Variants in TEX9 observed in about 807,000 individuals in gnomAD.
The protein encoded by TEX9 is testis expressed 9.
A neutral mutation model predicts 59.6 loss-of-function variants in TEX9; 74 were observed. That is an observed-to-expected ratio of 1.24 (90% CI 1.03 to 1.51). The LOEUF (loss-of-function observed/expected upper bound fraction) is 1.51. Ranked by LOEUF, TEX9 falls within the 40% of genes most tolerant of loss-of-function variation. The probability of loss-of-function intolerance (pLI) is 0.00; values close to 1 mark genes in which losing one functional copy is unlikely to be tolerated. For missense variants in TEX9, 522 were observed against 447.8 expected (o/e 1.17, Z -1.49); for synonymous variants, 186 against 152.2 (o/e 1.22, Z -1.64).
chr15:56,293,596 G>A (rs1211346604), intron 1 of TEX9, among the ~76,000 whole-genome samples: 2 of 152,166 alleles, frequency 1.3e-5, no homozygotes, highest in Non-Finnish European at 2.9e-5. Context: ...GCCTACAAAT[G>A]TAATTTATGA....
chr15:56,383,971 G>T lies in TEX9; in HGVS notation c.203G>T (p.Arg68Leu), dbSNP rs149653752. The change falls in exon 4 of 13, where the codon CGA becomes CTA. Residue 68 changes from arginine (R) to leucine (L), a missense_variant. Coordinates refer to ENST00000352903, the Ensembl canonical transcript of TEX9. Reference sequence around the variant, plus strand: ...TTTAAGAGAGATCGGCAAGAAGTACGATCTAGGCCTGTTTCAACACAAATG... The same window carrying T: ...TTTAAGAGAGATCGGCAAGAAGTACTATCTAGGCCTGTTTCAACACAAATG... The T allele has an allele frequency of 8.7e-6, 14 of 1,611,436 alleles. No homozygotes were observed. In the African/African-American group the frequency reaches 1.9e-4, roughly 22 times the overall value.
At chr15:56,441,059 C>T (rs531105288) in intron 12 of TEX9, among the ~76,000 whole-genome samples, 10 of 152,166 alleles carry the variant, frequency 6.6e-5, no homozygotes, top group South Asian at 4.2e-4. Flanking sequence ...ATTAACTGCA[C>T]GTCACATATT....
chr15:56,252,646 T>C (rs2044051825), intron 1 of TEX9, among the ~76,000 whole-genome samples: 3 of 151,978 alleles, frequency 2.0e-5, no homozygotes, highest in Admixed American at 1.3e-4. Flanking sequence ...AGGAAAAGAG[T>C]CTGCTGCGTG....
rs564111019 is a variant in TEX9 at position 56,331,536 on chromosome 15, A to G, written c.-106-41905A>G. Among the ~76,000 whole-genome samples the G allele has an allele frequency of 2.0e-5, 3 of 152,316 alleles. No individual in the cohort carries two copies. The South Asian group carries it at 6.2e-4, about 32-fold the overall frequency. On this transcript the variant is annotated intron_variant, in intron 1 of 5. Coordinates refer to the TEX9 transcript ENST00000560827. ...TATACAAACATATGGAAATTAAACAATATGCTCCTGAATGACAAGTAGGTC... is the reference window on the plus strand; with the variant it reads ...TATACAAACATATGGAAATTAAACAGTATGCTCCTGAATGACAAGTAGGTC...
At chr15:56,405,472 G>C (rs113326877) in intron 9 of TEX9, among the ~76,000 whole-genome samples, 1 of 152,062 alleles carries the variant, frequency 6.6e-6, no homozygotes, top group South Asian at 2.1e-4. Flanking sequence ...TTAAATGAAC[G>C]TAAGTACCAT....
downstream of TEX9, among the ~76,000 whole-genome samples, chr15:56,449,442 G>C (rs934163302): frequency 6.6e-6 from 1 of 152,092 alleles, no homozygotes; most frequent in African/African-American, 2.4e-5. Flanking sequence ...TGCATTCCTG[G>C]AATAAATTAA....
At chr15:56,383,971 G>C in exon 4 of TEX9, 1 of 1,611,554 alleles carries the variant, frequency 6.2e-7, no homozygotes, top group Non-Finnish European at 8.5e-7. Flanking sequence ...CAAGAAGTAC[G>C]ATCTAGGCCT....
intron 3 of TEX9, 77 bp downstream of exon 3, chr15:56,373,581 A>G (rs2047289894): frequency 1.2e-5 from 15 of 1,228,260 alleles, no homozygotes; most frequent in Non-Finnish European, 1.6e-5. Flanking sequence ...TATGACATAT[A>G]TACAAAACAC....
At chr15:56,430,270 G>A (rs1353122550) in intron 12 of TEX9, 116 bp downstream of exon 12, 5 of 152,366 alleles carry the variant, frequency 3.3e-5, no homozygotes, top group African/African-American at 1.2e-4. Flanking sequence ...GCAGTGGCAA[G>A]ATCATGGGTC....
Position 56,434,060 on chromosome 15 carries a change from G to C in TEX9, c.*29+5587G>C. ...ATTGTCTGGCATATAAAGCTTCTCA[G>C]TAAATGTTTAGTGGATGATAGATGA... On this transcript the variant is annotated intron_variant, in intron 12 of 12. Coordinates refer to ENST00000352903, the Ensembl canonical transcript of TEX9. 5 of 1,442,794 alleles carry C rather than the reference G, an allele frequency of 3.5e-6. No individual in the cohort carries two copies. The East Asian group carries it at 6.8e-5, about 20-fold the overall frequency. The allele number at this position is 1,442,794 out of a possible 1,614,324, so 89.4% of individuals were successfully genotyped here.
At position 56,298,733 on chromosome 15, in the gene TEX9, C is replaced by G. The variant is rs116434651; in HGVS notation, c.-107+54455C>G. Among the ~76,000 whole-genome samples, 1,187 of 152,260 alleles carry G rather than the reference C, an allele frequency of 7.8e-3. 14 individuals carry two copies. Among genetic ancestry groups the G allele is most frequent in the African/African-American group, 0.028 (1,152 of 41,546 alleles). On this transcript the variant is annotated intron_variant, in intron 1 of 5. Transcript: ENST00000560827. Reference sequence around the variant, plus strand: ...ACTCTGGTTTACCACTCTAATGAAACTGCTTTTCAAAGGCCATTGTTGTCC... The same window carrying G: ...ACTCTGGTTTACCACTCTAATGAAAGTGCTTTTCAAAGGCCATTGTTGTCC...
intron 1 of TEX9, among the ~76,000 whole-genome samples, chr15:56,321,111 A>T (rs1025035405): frequency 6.6e-6 from 1 of 152,178 alleles, no homozygotes; most frequent in Non-Finnish European, 1.5e-5. Flanking sequence ...GGGAAACTCA[A>T]TGCCACTGTG....
downstream of TEX9, among the ~76,000 whole-genome samples, chr15:56,448,099 G>C (rs1357132292): frequency 1.3e-5 from 2 of 152,164 alleles, no homozygotes; most frequent in East Asian, 3.9e-4. Flanking sequence ...AAATAAAGCT[G>C]CTATGGAAAT....
At chr15:56,379,326 A>G (rs1050623247) in intron 3 of TEX9, among the ~76,000 whole-genome samples, 1 of 152,116 alleles carries the variant, frequency 6.6e-6, no homozygotes, top group East Asian at 1.9e-4. Flanking sequence ...ATTTAGGTGC[A>G]TATCATCTAA....
chr15:56,296,860 C>T (rs2045230599), intron 1 of TEX9, among the ~76,000 whole-genome samples: 1 of 151,458 alleles, frequency 6.6e-6, no homozygotes, highest in Non-Finnish European at 1.5e-5. Flanking sequence ...GAGTTGCTCT[C>T]CTAGGTTGAA....
In TEX9 at chr15:56,389,407, T is replaced by C. The variant is rs1472664430; in HGVS notation, c.395+7T>C. 6.3e-7 allele frequency: 1 copy of C among 1,579,884 alleles called. No individual in the cohort carries two copies. The highest frequency in any genetic ancestry group is 1.7e-5 in the Admixed American group (1 of 57,778). ...GAAGGAAAACAAATTCAAGGTATAGTATAGTTTTCAAAGTATTTCTTTTTT... is the reference window on the plus strand; with the variant it reads ...GAAGGAAAACAAATTCAAGGTATAGCATAGTTTTCAAAGTATTTCTTTTTT... On this transcript the variant is annotated splice_region_variant and intron_variant, in intron 6 of 12. Coordinates refer to ENST00000352903, the Ensembl canonical transcript of TEX9.
upstream of TEX9, among the ~76,000 whole-genome samples, chr15:56,361,346 C>T (rs918009768): frequency 6.6e-6 from 1 of 152,190 alleles, no homozygotes. Flanking sequence ...GAATGCTAAG[C>T]ACTCCAAGCA....
chr15:56,336,400 T>G (rs1377098596), intron 1 of TEX9, among the ~76,000 whole-genome samples: 1 of 152,144 alleles, frequency 6.6e-6, no homozygotes. Flanking sequence ...CTAGCTCTCT[T>G]TCTCCCATGT....
In TEX9 at chr15:56,323,720, G is replaced by GGA. The variant is rs1347363061; in HGVS notation, c.-106-49720_-106-49719dup. The GGA allele has an allele frequency of 1.2e-4, 3 of 24,620 alleles. 1 individual carries two copies. Among genetic ancestry groups the GGA allele is most frequent in the Non-Finnish European group, 1.4e-4 (1 of 6,898 alleles). 1.5% of individuals were successfully genotyped at this position (24,620 alleles called of 1,614,324 possible). A position where few individuals can be genotyped will look rare whatever the true frequency, so the allele number is the denominator to read the frequency against. On this transcript the variant is annotated intron_variant, in intron 1 of 5. Transcript: ENST00000560827. ...GGAAGAAGGAGGAGGAGGAGAAGGA[G>GGA]GAAGAGGAGGAGGAGGAGAAGGAGG...
Sources: gnomAD v4.1 joint callset for allele counts (sites outside exome capture counted in the v4.1 genomes callset) on GRCh38, gnomAD v4.1.1 for gene constraint, MANE v1.5 for transcripts, NCBI Gene and HGNC (gene_info 2026-07-23, HGNC 2026-07-21) for gene names.